The following ABI3BP variants were observed in gnomAD, a reference collection of about 807,000 sequenced individuals.
The protein encoded by ABI3BP is ABI family member 3 binding protein.
ABI3BP carries 216 observed loss-of-function variants against 268.6 expected under a neutral mutation model. The ratio of observed to expected loss-of-function variants is 0.80; its 90% CI spans 0.72 to 0.90. The LOEUF is 0.90. Ranked by LOEUF, ABI3BP falls within the 40% of genes least tolerant of loss-of-function variation. ABI3BP has a pLI of 0.00. For synonymous variants in ABI3BP, 730 were observed against 730.0 expected, an observed-to-expected ratio of 1.00 and a Z score of 0.00; for missense variants, 2,090 against 2,182.4, an observed-to-expected ratio of 0.96 and a Z score of 0.84.
chr3:100,973,638 C>T (rs547128473), intron 1 of ABI3BP, among the ~76,000 whole-genome samples: 186 of 152,138 alleles, frequency 1.2e-3, no homozygotes, highest in Non-Finnish European at 2.4e-3. Context: ...TTCTGCATAA[C>T]GTGAGATGCT....
At chr3:100,784,993 T>C (rs1241260073) in intron 57 of ABI3BP, among the ~76,000 whole-genome samples, 1 of 152,030 alleles carries the variant, frequency 6.6e-6, no homozygotes, top group African/African-American at 2.4e-5. Context: ...ATATAATTCA[T>C]CCATGTAACA....
chr3:100,866,857 A>C, intron 10 of ABI3BP, 22 bp downstream of exon 10: 1 of 1,605,960 alleles, frequency 6.2e-7, no homozygotes, highest in Non-Finnish European at 8.5e-7. Flanking sequence ...TCTCAAGGTC[A>C]ACAACATAGC....
rs183333868 is a variant in ABI3BP, at chr3:100,834,725, T to C, written c.2240A>G (p.His747Arg). The C allele has an allele frequency of 2.1e-5, 33 of 1,535,768 alleles. No individual in the cohort carries two copies. The highest frequency in any genetic ancestry group is 1.1e-4 in the South Asian group (9 of 84,060). The change falls in exon 29 of 68, where the codon CAT (histidine) becomes CGT (arginine). Residue 747 changes from histidine (H) to arginine (R), a missense_variant. By Grantham distance (29) the His-to-Arg change is conservative (BLOSUM62 0). Transcript: ENST00000471714. ...RTRTRRPRPK[H>R]KTTPRPETLQ... ...TGTCTCTGGGCGTGGCGTGGTTTTA[T>C]GTTTGGGACGTGGACGACGTGTTCT...
rs149573085 is a variant in ABI3BP, at chr3:100,892,495, C to T, written c.462-6172G>A. ...ATGAATTTAGTCTGAGTGTGAGGTG[C>T]CAATCACAGTTACCTGGTTATTGTG... On this transcript the variant is annotated intron_variant, in intron 4 of 67. Coordinates refer to ENST00000471714, the MANE Select transcript of ABI3BP (RefSeq NM_001375547.2). Among the ~76,000 whole-genome samples the T allele has an allele frequency of 4.1e-3, 621 of 152,240 alleles. 2 individuals carry two copies. The highest frequency in any genetic ancestry group is 0.014 in the African/African-American group (595 of 41,530).
Position 100,981,870 on chromosome 3 carries a change from C to T in ABI3BP, c.79+11436G>A, listed in dbSNP as rs367965310. ...GAAAGGGTGTCTTTCTGCTCAGCACCAGTGTCCAGGCTACTGGAGTATCTA... is the reference window on the plus strand; with the variant it reads ...GAAAGGGTGTCTTTCTGCTCAGCACTAGTGTCCAGGCTACTGGAGTATCTA... On this transcript the variant is annotated intron_variant, in intron 1 of 67. Coordinates refer to ENST00000471714, the MANE Select transcript of ABI3BP (RefSeq NM_001375547.2). Among the ~76,000 whole-genome samples the T allele has an allele frequency of 9.8e-5, 15 of 152,304 alleles. No homozygotes were observed. The East Asian group carries it at 2.1e-3, about 22-fold the overall frequency.
At chr3:100,750,743 G>T in intron 67 of ABI3BP, 133 bp from the exon 68 acceptor site, 1 of 626,436 alleles carries the variant, frequency 1.6e-6, no homozygotes, top group Non-Finnish European at 2.7e-6. Flanking sequence ...AAAACTGAGA[G>T]CAAGAAGTTC....
intron 2 of ABI3BP, among the ~76,000 whole-genome samples, chr3:100,919,734 A>G (rs556607849): frequency 7.9e-5 from 12 of 152,346 alleles, no homozygotes; most frequent in African/African-American, 2.9e-4. Context: ...GTTTAGTAGG[A>G]CAGGTCAAAA....
intron 2 of ABI3BP, among the ~76,000 whole-genome samples, chr3:100,916,924 A>C (rs545852832): frequency 5.9e-5 from 9 of 152,282 alleles, no homozygotes; most frequent in Admixed American, 3.9e-4. Flanking sequence ...TTTCAACTAA[A>C]CTAGGGTACT....
At chr3:100,784,884 G>T (rs1018215114) in intron 57 of ABI3BP, among the ~76,000 whole-genome samples, 3 of 152,054 alleles carry the variant, frequency 2.0e-5, no homozygotes, top group African/African-American at 7.2e-5. Context: ...ACCCAGAAGG[G>T]GGAGGGTGAG....
rs2056762184 is a variant in ABI3BP at position 100,912,120 on chromosome 3, G to C, written c.260-9434C>G. On this transcript the variant is annotated intron_variant, in intron 2 of 67. Transcript: ENST00000471714. ...CTTCCGTGTCCCAGACAGTGCTGGG[G>C]TTGTGTAAGGCAAGCTGGTCAACAC... is the stretch of plus-strand genomic sequence containing the variant. 3 of 558,160 alleles carry C rather than the reference G, an allele frequency of 5.4e-6. No individual in the cohort carries two copies. The East Asian group carries it at 9.7e-5, about 18-fold the overall frequency. 34.6% of individuals were successfully genotyped at this position (558,160 alleles called of 1,614,324 possible).
At chr3:100,867,967 C>T (rs1280026904) in intron 9 of ABI3BP, among the ~76,000 whole-genome samples, 1 of 152,120 alleles carries the variant, frequency 6.6e-6, no homozygotes, top group Admixed American at 6.6e-5. Context: ...TGTTCCCCAG[C>T]GATTATGGTA....
chr3:100,806,032 T>C (rs928346742), intron 50 of ABI3BP, among the ~76,000 whole-genome samples: 1 of 152,078 alleles, frequency 6.6e-6, no homozygotes, highest in African/African-American at 2.4e-5. Context: ...CTATTACCTA[T>C]ACACACTGGG....
intron 1 of ABI3BP, among the ~76,000 whole-genome samples, chr3:100,977,362 G>A (rs1303871060): frequency 1.3e-5 from 2 of 152,140 alleles, no homozygotes; most frequent in African/African-American, 4.8e-5. Context: ...CAGGTACTTG[G>A]GAGGAGCTGA....
intron 63 of ABI3BP, among the ~76,000 whole-genome samples, chr3:100,763,503 ACTC>A (rs758133220): frequency 1.3e-5 from 2 of 151,486 alleles, no homozygotes; most frequent in Non-Finnish European, 2.9e-5. Flanking sequence ...CTAGACAGGC[ACTC>A]CTCTGGGCTT....
chr3:100,820,286 G>A lies in ABI3BP; in HGVS notation c.2965C>T (p.Arg989Ter), dbSNP rs191909715. 1.8e-5 allele frequency: 27 copies of A among 1,535,888 alleles called. No individual in the cohort carries two copies. The highest frequency in any genetic ancestry group is 2.4e-5 in the East Asian group (1 of 40,914). ...VTTQAPKTSQ[R>*]TRRPRPKTKT... Reference sequence around the variant, plus strand: ...GTTTTGGGACGTGGACGACGAGTTCGTTGTGATGTTTTAGGAGCTGAAGAA... The same window carrying A: ...GTTTTGGGACGTGGACGACGAGTTCATTGTGATGTTTTAGGAGCTGAAGAA... Residue 989 changes from arginine (R) to a stop codon, truncating the protein, a stop_gained, in exon 40 of 68, where the codon CGA becomes TGA. Coordinates refer to ENST00000471714, the MANE Select transcript of ABI3BP (RefSeq NM_001375547.2). LOFTEE classifies it high-confidence loss of function.
At chr3:100,908,293 C>A (rs1050380953) in intron 2 of ABI3BP, among the ~76,000 whole-genome samples, 1 of 152,114 alleles carries the variant, frequency 6.6e-6, no homozygotes, top group Non-Finnish European at 1.5e-5. Context: ...ACATGCCAGA[C>A]CCTTGCTGGC....
chr3:100,818,445 TATG>T, intron 41 of ABI3BP, 77 bp downstream of exon 41: 1 of 1,176,960 alleles, frequency 8.5e-7, no homozygotes, highest in Non-Finnish European at 1.2e-6. Flanking sequence ...AGGATGGTCT[TATG>T]ATGAAGAAGA....
At position 100,926,606 on chromosome 3, in the gene ABI3BP, T is replaced by C. The variant is rs1014132532; in HGVS notation, c.80-125A>G. 3.7e-5 allele frequency: 32 copies of C among 868,088 alleles called. 1 individual carries two copies. The highest frequency in any genetic ancestry group is 6.9e-5 in the Admixed American group (3 of 43,696). The allele number at this position is 868,088 out of a possible 1,614,324, so 53.8% of individuals were successfully genotyped here. A position where few individuals can be genotyped will look rare whatever the true frequency, so the allele number is the denominator to read the frequency against. ...AAAAACATGTTGTCTACTTTGCTACTCAGTATTACAGCACACACCCAAACG... is the reference window on the plus strand; with the variant it reads ...AAAAACATGTTGTCTACTTTGCTACCCAGTATTACAGCACACACCCAAACG... On this transcript the variant is annotated intron_variant, in intron 1 of 67. Transcript: ENST00000471714.
chr3:100,943,828 G>A (rs1425515717), intron 1 of ABI3BP, among the ~76,000 whole-genome samples: 1 of 151,826 alleles, frequency 6.6e-6, no homozygotes, highest in Non-Finnish European at 1.5e-5. Context: ...TCTTTTGATT[G>A]TACTATTTTT....
Sources: gnomAD v4.1 joint callset for allele counts (sites outside exome capture counted in the v4.1 genomes callset) on GRCh38, gnomAD v4.1.1 for gene constraint, MANE v1.5 for transcripts, NCBI Gene and HGNC (gene_info 2026-07-23, HGNC 2026-07-21) for gene names.